The following LARS2 variants were observed in gnomAD, a reference collection of about 807,000 sequenced individuals.
The protein encoded by LARS2 is leucine--tRNA ligase, mitochondrial.
A neutral mutation model predicts 116.6 loss-of-function variants in LARS2; 81 were observed. The observed-to-expected ratio is 0.69, with a 90% CI of 0.58 to 0.84. LARS2 has a LOEUF of 0.84. Ranked by LOEUF, LARS2 falls within the 40% of genes least tolerant of loss-of-function variation. LARS2 has a pLI of 0.00. For synonymous variants in LARS2, 396 were observed against 407.2 expected, an observed-to-expected ratio of 0.97 and a Z score of 0.33; for missense variants, 968 against 1,114.5, an observed-to-expected ratio of 0.87 and a Z score of 1.87.
chr3:45,518,675 C>G (rs1700407978), intron 18 of LARS2, among the ~76,000 whole-genome samples: 1 of 151,998 alleles, frequency 6.6e-6, no homozygotes, highest in Non-Finnish European at 1.5e-5. Context: ...TTAATTTCTG[C>G]AAATCTGAAG....
chr3:45,464,094 T>G (rs143667767), intron 8 of LARS2, among the ~76,000 whole-genome samples: 1 of 152,318 alleles, frequency 6.6e-6, no homozygotes, highest in East Asian at 1.9e-4. Flanking sequence ...CCCTGCCCTC[T>G]TTGTTCCTGT....
At chr3:45,459,423 G>A (rs1393899111) in intron 8 of LARS2, among the ~76,000 whole-genome samples, 1 of 152,230 alleles carries the variant, frequency 6.6e-6, no homozygotes, top group Non-Finnish European at 1.5e-5. Context: ...CGGCCTCCAT[G>A]AGAGAAGGCC....
intron 15 of LARS2, among the ~76,000 whole-genome samples, chr3:45,511,576 TAA>T (rs34491372): frequency 6.9e-6 from 1 of 145,532 alleles, no homozygotes; most frequent in Non-Finnish European, 1.5e-5. Context: ...CAGTTTACCT[TAA>T]AAAAAAAAAA....
intron 21 of LARS2, among the ~76,000 whole-genome samples, chr3:45,545,361 C>A (rs1700860761): frequency 6.6e-6 from 1 of 152,204 alleles, no homozygotes; most frequent in South Asian, 2.1e-4. Flanking sequence ...CATGCTTAGG[C>A]CTTCTCCAAA....
At chr3:45,538,745 G>C (rs1438405568) in intron 20 of LARS2, among the ~76,000 whole-genome samples, 2 of 152,132 alleles carry the variant, frequency 1.3e-5, no homozygotes, top group Admixed American at 6.6e-5. Context: ...AACAAATAAG[G>C]CTATGGCACT....
At chr3:45,415,892 GGGA>G (rs1559461379) in intron 4 of LARS2, among the ~76,000 whole-genome samples, 184 of 69,730 alleles carry the variant, frequency 2.6e-3, no homozygotes, top group South Asian at 9.6e-3. Flanking sequence ...GAGAGAGAGA[GGGA>G]GAGAGAGAGA....
Position 45,430,552 on chromosome 3 carries a change from T to C in LARS2, c.516+10823T>C, listed in dbSNP as rs371080121. Reference sequence around the variant, plus strand: ...GCCTCGGCCTCCCAAAGTGCTAGGATTATAGGCGTGAGCCACTGCGCCCGG... The same window carrying C: ...GCCTCGGCCTCCCAAAGTGCTAGGACTATAGGCGTGAGCCACTGCGCCCGG... On this transcript the variant is annotated intron_variant, in intron 6 of 21. Transcript: ENST00000645846. Among the ~76,000 whole-genome samples, 28 of 148,138 alleles carry C rather than the reference T, an allele frequency of 1.9e-4. 1 individual carries two copies. Among genetic ancestry groups the C allele is most frequent in the African/African-American group, 7.0e-4 (28 of 40,140 alleles).
At chr3:45,442,259 A>C (rs1331443357) in intron 6 of LARS2, among the ~76,000 whole-genome samples, 1 of 152,166 alleles carries the variant, frequency 6.6e-6, no homozygotes, top group East Asian at 1.9e-4. Context: ...AGATGTGAGC[A>C]ACAGGAAGCC....
intron 12 of LARS2, among the ~76,000 whole-genome samples, chr3:45,489,468 T>C (rs556512504): frequency 6.6e-6 from 1 of 150,500 alleles, no homozygotes; most frequent in South Asian, 2.1e-4. Context: ...ACTGATTTAG[T>C]AGTCCCAGGT....
chr3:45,417,087 C>A (rs114537824), intron 4 of LARS2, among the ~76,000 whole-genome samples: 446 of 138,352 alleles, frequency 3.2e-3, no homozygotes, highest in Non-Finnish European at 3.6e-3. Context: ...AAAAAAAAAA[C>A]AAAAAAAAAA....
intron 7 of LARS2, among the ~76,000 whole-genome samples, chr3:45,453,679 C>G (rs1445265515): frequency 6.6e-6 from 1 of 152,052 alleles, no homozygotes. Flanking sequence ...TGGAATGGAG[C>G]AAGATTGATT....
intron 4 of LARS2, among the ~76,000 whole-genome samples, chr3:45,401,331 G>C (rs1698145178): frequency 6.6e-6 from 1 of 151,808 alleles, no homozygotes; most frequent in African/African-American, 2.4e-5. Context: ...GCAAAACCCT[G>C]TCTCCACAAA....
intron 16 of LARS2, among the ~76,000 whole-genome samples, chr3:45,515,375 A>G (rs909917031): frequency 1.3e-5 from 2 of 152,226 alleles, no homozygotes; most frequent in African/African-American, 4.8e-5. Flanking sequence ...GCTCAGCAAC[A>G]TGGAAACTGA....
At chr3:45,484,616 A>ATATATATATATATATATAT (rs1381915093) in intron 10 of LARS2, among the ~76,000 whole-genome samples, 1 of 13,622 alleles carries the variant, frequency 7.3e-5, no homozygotes, top group African/African-American at 1.1e-4. Context: ...AAAAAAAAAA[A>ATATATATATATATATATAT]AAAAAAAAAA....
At chr3:45,442,892 C>T (rs1025746979) in intron 6 of LARS2, among the ~76,000 whole-genome samples, 1 of 152,190 alleles carries the variant, frequency 6.6e-6, no homozygotes, top group African/African-American at 2.4e-5. Flanking sequence ...GAAATCTGAA[C>T]TCACAGATCG....
intron 15 of LARS2, among the ~76,000 whole-genome samples, chr3:45,512,578 C>T (rs1700306638): frequency 6.6e-6 from 1 of 152,124 alleles, no homozygotes; most frequent in Admixed American, 6.5e-5. Context: ...ATATGAACTG[C>T]CATGGAGAAA....
chr3:45,449,923 C>T (rs952533849), intron 7 of LARS2, among the ~76,000 whole-genome samples: 2 of 152,196 alleles, frequency 1.3e-5, no homozygotes, highest in Non-Finnish European at 2.9e-5. Context: ...ACCAAATGTT[C>T]AGTTCTGTTG....
chr3:45,448,995 G>A (rs1258420974), intron 7 of LARS2, among the ~76,000 whole-genome samples: 1 of 152,266 alleles, frequency 6.6e-6, no homozygotes. Context: ...GTTTTATGCA[G>A]CAGAAATGTA....
At chr3:45,487,332 C>T (rs1019193234) in intron 11 of LARS2, among the ~76,000 whole-genome samples, 14 of 152,204 alleles carry the variant, frequency 9.2e-5, no homozygotes, top group Non-Finnish European at 1.8e-4. Context: ...GCATTAGATG[C>T]ATTTTGTCTA....
Sources: allele counts gnomAD v4.1 joint callset (sites outside exome capture counted in the v4.1 genomes callset), GRCh38; gene constraint gnomAD v4.1.1; transcripts MANE v1.5; gene names NCBI Gene and HGNC (gene_info 2026-07-23, HGNC 2026-07-21).